Variants in ANK2 observed in about 807,000 individuals in gnomAD.
ANK2 encodes the protein ankyrin-2.
ANK2 carries 83 observed loss-of-function variants against 360.5 expected under a neutral mutation model. The ratio of observed to expected loss-of-function variants is 0.23; its 90% CI spans 0.19 to 0.28. ANK2 has a LOEUF of 0.28. ANK2 is among the 10% of genes least tolerant of loss of function. The probability of loss-of-function intolerance (pLI) is 1.00; values close to 1 mark genes in which losing one functional copy is unlikely to be tolerated. For synonymous variants in ANK2, 1,740 were observed against 1,759.5 expected (o/e 0.99, Z 0.28); for missense variants, 4,201 against 4,795.7 (o/e 0.88, Z 3.66).
At chr4:113,229,611 G>C (rs1006150836) in intron 4 of ANK2, among the ~76,000 whole-genome samples, 8 of 152,194 alleles carry the variant, frequency 5.3e-5, no homozygotes, top group African/African-American at 1.7e-4. Flanking sequence ...ATGAACCCAA[G>C]GAAGAAGTGT....
chr4:113,331,717 GGCTAGT>G (rs1303287990), intron 27 of ANK2, among the ~76,000 whole-genome samples: 9 of 151,604 alleles, frequency 5.9e-5, no homozygotes, highest in Non-Finnish European at 1.2e-4. Context: ...CCCCCTTTTT[GGCTAGT>G]GCCCTGGCGG....
intron 42 of ANK2, 42 bp downstream of exon 42, chr4:113,367,893 A>C (rs201999499): frequency 6.2e-7 from 1 of 1,610,624 alleles, no homozygotes; most frequent in Non-Finnish European, 8.5e-7. Context: ...ATACCAAAGA[A>C]ACAGGCTATT....
intron 2 of ANK2, among the ~76,000 whole-genome samples, chr4:113,038,280 G>A (rs971543348): frequency 3.3e-5 from 5 of 151,926 alleles, no homozygotes; most frequent in African/African-American, 1.2e-4. Context: ...AGCAGGATAC[G>A]TGAAACTCAT....
At chr4:113,118,372 A>G (rs1335809792) in intron 1 of ANK2, among the ~76,000 whole-genome samples, 2 of 152,360 alleles carry the variant, frequency 1.3e-5, no homozygotes, top group Non-Finnish European at 2.9e-5. Flanking sequence ...ATGGGGATCC[A>G]TATACTTAAT....
intron 7 of ANK2, 120 bp downstream of exon 7, chr4:113,237,742 T>C (rs2099394719): frequency 1.8e-5 from 17 of 929,706 alleles, no homozygotes; most frequent in Non-Finnish European, 2.8e-5. Flanking sequence ...GGAAATTAAT[T>C]TGAAAACCTT....
At chr4:113,257,979 A>G in intron 11 of ANK2, 71 bp from the exon 12 acceptor site, 1 of 1,328,070 alleles carries the variant, frequency 7.5e-7, no homozygotes, top group Non-Finnish European at 1.1e-6. Flanking sequence ...ATTGCCTGCA[A>G]TGTGCCAGCA....
intron 1 of ANK2, among the ~76,000 whole-genome samples, chr4:113,072,278 G>A (rs1448150903): frequency 6.6e-6 from 1 of 152,150 alleles, no homozygotes; most frequent in Non-Finnish European, 1.5e-5. Flanking sequence ...AATAAAACTT[G>A]GTTTTTGTAA....
the ANK2 span, among the ~76,000 whole-genome samples, chr4:112,775,515 T>TCACGCACACACA: frequency 8.5e-6 from 1 of 118,156 alleles, no homozygotes; most frequent in East Asian, 2.3e-4. Flanking sequence ...CTAAGCTCCA[T>TCACGCACACACA]CACACACACA....
intron 39 of ANK2, among the ~76,000 whole-genome samples, chr4:113,361,536 CT>C (rs762043370): frequency 6.1e-3 from 791 of 129,606 alleles, no homozygotes; most frequent in Middle Eastern, 0.021. Context: ...CTCAGTCTGG[CT>C]TTTTTTTTTT....
intron 2 of ANK2, among the ~76,000 whole-genome samples, chr4:112,951,155 A>C (rs2094958678): frequency 6.6e-6 from 1 of 152,088 alleles, no homozygotes; most frequent in Admixed American, 6.5e-5. Context: ...TATCCTAAGA[A>C]AATTACTGAA....
intron 24 of ANK2, 50 bp from the exon 25 acceptor site, chr4:113,317,657 A>G (rs1391956078): frequency 2.1e-6 from 3 of 1,442,088 alleles, no homozygotes; most frequent in Non-Finnish European, 2.9e-6. Context: ...TGTCATCCCA[A>G]CCCTGCTACT....
chr4:112,892,515 C>T (rs541789547), intron 1 of ANK2, among the ~76,000 whole-genome samples: 67 of 152,258 alleles, frequency 4.4e-4, no homozygotes, highest in East Asian at 7.7e-4. Flanking sequence ...TATTAAGGAT[C>T]GTAACAATTA....
chr4:113,155,064 G>A (rs1051137766), intron 1 of ANK2, among the ~76,000 whole-genome samples: 3 of 152,180 alleles, frequency 2.0e-5, no homozygotes, highest in South Asian at 2.1e-4. Context: ...GTATGAATGT[G>A]TATAGCAAAT....
intron 1 of ANK2, among the ~76,000 whole-genome samples, chr4:113,105,109 G>T (rs2093451370): frequency 6.6e-6 from 1 of 152,080 alleles, no homozygotes; most frequent in Non-Finnish European, 1.5e-5. Context: ...AGGAATTTTG[G>T]CTATTTAGTA....
At chr4:113,277,321 C>A (rs2060607846) in intron 15 of ANK2, among the ~76,000 whole-genome samples, 1 of 152,142 alleles carries the variant, frequency 6.6e-6, no homozygotes, top group Non-Finnish European at 1.5e-5. Flanking sequence ...GTTCTATAGA[C>A]CATTTATCTT....
intron 43 of ANK2, among the ~76,000 whole-genome samples, chr4:113,371,614 C>A (rs1302890802): frequency 6.6e-6 from 1 of 152,192 alleles, no homozygotes; most frequent in East Asian, 1.9e-4. Context: ...TCAGGCATTT[C>A]TCTTAAGCTT....
At chr4:113,360,773 C>G in intron 38 of ANK2, 50 bp from the exon 39 acceptor site, 1 of 1,543,176 alleles carries the variant, frequency 6.5e-7, no homozygotes, top group East Asian at 2.3e-5. Flanking sequence ...ACTGTGGTTC[C>G]TCTCCTGTCA....
intron 1 of ANK2, among the ~76,000 whole-genome samples, chr4:113,079,649 A>T (rs2081505821): frequency 6.6e-6 from 1 of 152,088 alleles, no homozygotes; most frequent in Non-Finnish European, 1.5e-5. Flanking sequence ...TCTTTTTTAA[A>T]CTTCTTCGTT....
rs111858799 is a variant in ANK2, at chr4:112,871,511, A to T, written c.-39-32944A>T. On this transcript the variant is annotated intron_variant, in intron 1 of 30. Coordinates refer to the ANK2 transcript ENST00000503271. ...CTTAGTTTTTATTTTTTAAAGTTGG[A>T]TTCTTTAGAGTTTTCTCTGTAAAAA... is the stretch of plus-strand genomic sequence containing the variant. Among the ~76,000 whole-genome samples, 631 of 152,158 alleles carry T rather than the reference A, an allele frequency of 4.1e-3. 5 individuals carry two copies. The highest frequency in any genetic ancestry group is 0.014 in the African/African-American group (569 of 41,510).
Sources: allele counts gnomAD v4.1 joint callset (sites outside exome capture counted in the v4.1 genomes callset), GRCh38; gene constraint gnomAD v4.1.1; transcripts MANE v1.5; gene names NCBI Gene and HGNC (gene_info 2026-07-23, HGNC 2026-07-21).